CSMD1: variants seen among roughly 807,000 people sequenced by gnomAD.
The protein encoded by CSMD1 is CUB and Sushi multiple domains 1, also known as CUB and sushi domain-containing protein 1.
In CSMD1, 213 loss-of-function variants were observed where a neutral mutation model predicts 417.5. That is an observed-to-expected ratio of 0.51 (90% CI 0.46 to 0.57). The LOEUF (loss-of-function observed/expected upper bound fraction) is 0.57, where lower values mean the gene tolerates loss of function less well. Ranked by LOEUF, CSMD1 falls within the 20% of genes least tolerant of loss-of-function variation. CSMD1 has a pLI of 0.00. For missense variants in CSMD1, 6,923 were observed against 4,529.7 expected (o/e 1.53, Z -15.17); for synonymous variants, 2,862 against 1,736.8 (o/e 1.65, Z -16.11).
At chr8:4,282,062 C>T (rs997708994) in intron 3 of CSMD1, among the ~76,000 whole-genome samples, 2 of 152,158 alleles carry the variant, frequency 1.3e-5, no homozygotes, top group Non-Finnish European at 2.9e-5. Flanking sequence ...GGTTGTAGCA[C>T]ATTGTAGCAT....
At chr8:3,951,345 C>T (rs893868475) in intron 5 of CSMD1, among the ~76,000 whole-genome samples, 11 of 152,234 alleles carry the variant, frequency 7.2e-5, no homozygotes, top group African/African-American at 1.7e-4. Context: ...GTGTCCTGAA[C>T]GGAGCAGGAA....
chr8:4,056,078 C>CTT (rs58415435), intron 3 of CSMD1, among the ~76,000 whole-genome samples: 59,052 of 97,918 alleles, frequency 0.6, 18,794 homozygotes, highest in South Asian at 0.68. Flanking sequence ...TGGTGGCTTC[C>CTT]TTTTTTTTTT....
At chr8:3,295,359 C>G (rs1052767437) in intron 25 of CSMD1, among the ~76,000 whole-genome samples, 3 of 152,056 alleles carry the variant, frequency 2.0e-5, no homozygotes, top group African/African-American at 7.2e-5. Context: ...ATCTCCTGAC[C>G]TTGTGATCCA....
intron 41 of CSMD1, among the ~76,000 whole-genome samples, chr8:3,131,140 T>A (rs1045950647): frequency 2.0e-5 from 3 of 152,174 alleles, no homozygotes; most frequent in Non-Finnish European, 2.9e-5. Context: ...CCAGCCATTT[T>A]AAAATATTCC....
intron 50 of CSMD1, among the ~76,000 whole-genome samples, chr8:3,048,887 AAG>A (rs981218977): frequency 6.6e-6 from 1 of 151,784 alleles, no homozygotes; most frequent in African/African-American, 2.4e-5. Flanking sequence ...AAAAAAAAAA[AAG>A]GAAGTTAACA....
chr8:4,662,516 T>C (rs1055987169), intron 1 of CSMD1, among the ~76,000 whole-genome samples: 2 of 152,212 alleles, frequency 1.3e-5, no homozygotes, highest in Non-Finnish European at 2.9e-5. Flanking sequence ...GAAAAGTCCA[T>C]CTGTGTTTTT....
intron 2 of CSMD1, among the ~76,000 whole-genome samples, chr8:4,616,631 C>T (rs1259637810): frequency 1.3e-5 from 2 of 152,178 alleles, no homozygotes; most frequent in African/African-American, 2.4e-5. Context: ...CTACTGACAG[C>T]TGACATTGGA....
Position 3,415,201 on chromosome 8 carries a change from T to C in CSMD1, c.1562-5596A>G, listed in dbSNP as rs559872609. Among the ~76,000 whole-genome samples, 10 of 152,360 alleles carry C rather than the reference T, an allele frequency of 6.6e-5. No individual in the cohort carries two copies. The East Asian group carries it at 7.7e-4, about 12-fold the overall frequency. ...TATTTTGAAATATGTGTACGTATCA[T>C]AATGGCTAAGCAAAGCTAATTAATA... On this transcript the variant is annotated intron_variant, in intron 12 of 69. Coordinates refer to ENST00000635120, the MANE Select transcript of CSMD1 (RefSeq NM_033225.6).
intron 18 of CSMD1, among the ~76,000 whole-genome samples, chr8:3,370,793 G>A (rs1354288840): frequency 6.6e-6 from 1 of 152,146 alleles, no homozygotes; most frequent in African/African-American, 2.4e-5. Flanking sequence ...TGGCCAGCAT[G>A]GCAAAACCCC....
At chr8:4,792,474 C>T (rs1797744588) in intron 1 of CSMD1, among the ~76,000 whole-genome samples, 1 of 152,118 alleles carries the variant, frequency 6.6e-6, no homozygotes, top group Admixed American at 6.6e-5. Context: ...TCTGAATATT[C>T]TTCATTTTCT....
intron 5 of CSMD1, among the ~76,000 whole-genome samples, chr8:3,913,132 T>C (rs1808573037): frequency 6.6e-6 from 1 of 152,104 alleles, no homozygotes; most frequent in African/African-American, 2.4e-5. Context: ...TTTTGGCACC[T>C]TGAAATTTGA....
chr8:3,837,437 A>G (rs1301975210), intron 5 of CSMD1, among the ~76,000 whole-genome samples: 1 of 152,160 alleles, frequency 6.6e-6, no homozygotes, highest in African/African-American at 2.4e-5. Context: ...CACATATGAC[A>G]GGCATTTATA....
chr8:4,479,057 G>A (rs946384787), intron 2 of CSMD1, among the ~76,000 whole-genome samples: 8 of 152,108 alleles, frequency 5.3e-5, no homozygotes, highest in African/African-American at 1.9e-4. Flanking sequence ...GGGGCTCAAT[G>A]CTATTCAAAT....
rs1184196467 is a variant in CSMD1 at position 4,102,660 on chromosome 8, TA to T, written c.416-70562del. ...TTAAATGTTTTTTGCTGTAAAACTTTAAATACTCCAATATTCAGGACATTTA... is the reference window on the plus strand; with the variant it reads ...TTAAATGTTTTTTGCTGTAAAACTTTAATACTCCAATATTCAGGACATTTA... On this transcript the variant is annotated intron_variant, in intron 3 of 69. Coordinates refer to ENST00000635120, the MANE Select transcript of CSMD1 (RefSeq NM_033225.6). 9.9e-5 allele frequency among the ~76,000 whole-genome samples: 15 copies of T among 152,220 alleles called. No individual in the cohort carries two copies. In the East Asian group the frequency reaches 2.9e-3, roughly 29 times the overall value.
At chr8:4,440,062 G>T (rs985896580) in intron 2 of CSMD1, among the ~76,000 whole-genome samples, 1 of 152,146 alleles carries the variant, frequency 6.6e-6, no homozygotes, top group Non-Finnish European at 1.5e-5. Context: ...GTGATCAACA[G>T]TTTAAAACAC....
At chr8:4,375,213 GA>G (rs1471435020) in intron 3 of CSMD1, among the ~76,000 whole-genome samples, 1 of 152,076 alleles carries the variant, frequency 6.6e-6, no homozygotes, top group African/African-American at 2.4e-5. Flanking sequence ...TGCCCACGGG[GA>G]TAGATAGTTT....
rs147901265 is a variant in CSMD1 at position 4,254,676 on chromosome 8, C to T, written c.415+165277G>A. On this transcript the variant is annotated intron_variant, in intron 3 of 69. Transcript: ENST00000635120. ...GCCGTAGACAGGTGTACCATTCTTA[C>T]GTTTCACTCCATATTTTTACCGTAC... 3.1e-3 allele frequency among the ~76,000 whole-genome samples: 467 copies of T among 152,210 alleles called. 1 individual carries two copies. The highest frequency in any genetic ancestry group is 3.9e-3 in the Non-Finnish European group (267 of 68,010).
At chr8:3,097,295 T>C (rs904778766) in intron 46 of CSMD1, among the ~76,000 whole-genome samples, 3 of 152,144 alleles carry the variant, frequency 2.0e-5, no homozygotes, top group African/African-American at 4.8e-5. Flanking sequence ...CACACCTTAA[T>C]TTGGGGCAGA....
intron 1 of CSMD1, among the ~76,000 whole-genome samples, chr8:4,715,556 G>T (rs943772722): frequency 1.3e-5 from 2 of 152,000 alleles, no homozygotes; most frequent in African/African-American, 2.4e-5. Flanking sequence ...ATATCCAACG[G>T]TCCACCCTGA....
Sources: allele counts gnomAD v4.1 joint callset (sites outside exome capture counted in the v4.1 genomes callset), GRCh38; gene constraint gnomAD v4.1.1; transcripts MANE v1.5; gene names NCBI Gene and HGNC (gene_info 2026-07-23, HGNC 2026-07-21).